The following TULP4 variants were observed in gnomAD, a reference collection of about 807,000 sequenced individuals.
TULP4 encodes the protein TUB like protein 4.
TULP4 carries 16 observed loss-of-function variants against 129.0 expected under a neutral mutation model. The observed-to-expected ratio is 0.12, with a 90% CI of 0.08 to 0.19. TULP4 has a LOEUF of 0.19. Ranked by LOEUF, TULP4 falls within the 10% of genes least tolerant of loss-of-function variation. TULP4 has a pLI of 1.00. For missense variants in TULP4, 1,842 were observed against 2,059.1 expected, an observed-to-expected ratio of 0.89 and a Z score of 2.04; for synonymous variants, 998 against 854.0, an observed-to-expected ratio of 1.17 and a Z score of -2.94.
intron 1 of TULP4, among the ~76,000 whole-genome samples, chr6:158,316,413 T>G (rs192602181): frequency 1.3e-5 from 2 of 152,350 alleles, no homozygotes; most frequent in East Asian, 3.9e-4. Context: ...AAGAGTATTT[T>G]GAGATTCATT....
At chr6:158,442,041 C>T (rs567873898) in intron 3 of TULP4, among the ~76,000 whole-genome samples, 1 of 152,252 alleles carries the variant, frequency 6.6e-6, no homozygotes, top group African/African-American at 2.4e-5. Context: ...CTGCCTATGC[C>T]TCCCTCCTCC....
chr6:158,351,799 G>T (rs1256006609), intron 1 of TULP4, among the ~76,000 whole-genome samples: 1 of 125,878 alleles, frequency 7.9e-6, no homozygotes, highest in Non-Finnish European at 1.6e-5. Flanking sequence ...GCTCACTGCA[G>T]CCTCCACCAC....
chr6:158,302,181 A>G (rs1779143903), intron 1 of TULP4, among the ~76,000 whole-genome samples: 2 of 152,226 alleles, frequency 1.3e-5, no homozygotes, highest in African/African-American at 4.8e-5. Flanking sequence ...CACCTGTCCA[A>G]CATAAAGCTG....
At chr6:158,307,727 C>T (rs62437361), upstream of TULP4, among the ~76,000 whole-genome samples, 26,314 of 152,096 alleles carry the variant, frequency 0.17, 2,712 homozygotes, top group Middle Eastern at 0.24. Context: ...TGGTGACCCC[C>T]GCCTTGGCCT....
At chr6:158,433,578 G>T (rs2115071459) in intron 3 of TULP4, among the ~76,000 whole-genome samples, 1 of 152,314 alleles carries the variant, frequency 6.6e-6, no homozygotes, top group South Asian at 2.1e-4. Flanking sequence ...AGGCGTGGTG[G>T]CACGTGCCTG....
chr6:158,397,605 T>C (rs981128407), intron 1 of TULP4, among the ~76,000 whole-genome samples: 29 of 152,304 alleles, frequency 1.9e-4, no homozygotes, highest in African/African-American at 7.0e-4. Flanking sequence ...TTGTTTTTGA[T>C]GTGTGGCCCA....
intron 2 of TULP4, among the ~76,000 whole-genome samples, chr6:158,418,877 A>G (rs549868978): frequency 3.9e-5 from 6 of 152,206 alleles, no homozygotes; most frequent in African/African-American, 1.4e-4. Context: ...TTTACTGGCT[A>G]TGTGTTTTGG....
chr6:158,481,407 T>C (rs769504467), intron 8 of TULP4, 118 bp downstream of exon 8: 2 of 892,680 alleles, frequency 2.2e-6, no homozygotes, highest in South Asian at 1.4e-5. Context: ...TGGGGGCTAG[T>C]GTGGAACATC....
intron 1 of TULP4, among the ~76,000 whole-genome samples, chr6:158,368,173 G>C (rs2114865362): frequency 6.6e-6 from 1 of 151,518 alleles, no homozygotes; most frequent in Non-Finnish European, 1.5e-5. Flanking sequence ...CTCTTGATTG[G>C]TTTGTCTGTA....
intron 1 of TULP4, among the ~76,000 whole-genome samples, chr6:158,292,588 G>A (rs539847974): frequency 1.4e-4 from 22 of 152,174 alleles, no homozygotes; most frequent in South Asian, 2.1e-4. Context: ...TCCTGAGAAC[G>A]TCTTTTCATG....
chr6:158,261,443 T>C (rs1778350530), intron 1 of TULP4, among the ~76,000 whole-genome samples: 1 of 152,144 alleles, frequency 6.6e-6, no homozygotes, highest in African/African-American at 2.4e-5. Flanking sequence ...AGCTTAAGAC[T>C]GTAGGATATT....
chr6:158,314,698 G>A (rs1779448525), intron 1 of TULP4, among the ~76,000 whole-genome samples: 3 of 152,232 alleles, frequency 2.0e-5, no homozygotes, highest in African/African-American at 7.2e-5. Context: ...AAGTGGTGCT[G>A]CCTTTACCTT....
intron 1 of TULP4, among the ~76,000 whole-genome samples, chr6:158,253,700 T>G (rs1778188435): frequency 6.6e-6 from 1 of 152,142 alleles, no homozygotes; most frequent in Admixed American, 6.5e-5. Flanking sequence ...TTCTTAACAT[T>G]TTCTGACCTA....
chr6:158,242,447 A>C (rs1474612850), intron 1 of TULP4: 3 of 1,022,118 alleles, frequency 2.9e-6, no homozygotes, highest in Non-Finnish European at 3.1e-6. Context: ...CTAAGCATTC[A>C]TCATAGTGTT....
chr6:158,425,411 G>T (rs1386149378), intron 2 of TULP4, among the ~76,000 whole-genome samples: 1 of 150,814 alleles, frequency 6.6e-6, no homozygotes, highest in Non-Finnish European at 1.5e-5. Context: ...TACTCGGGAG[G>T]CTGCAGCCGG....
rs71030149 is a variant in TULP4, at chr6:158,236,795, CTTT to C, written n.68+4526_68+4528del. Among the ~76,000 whole-genome samples the C allele has an allele frequency of 3.2e-3, 205 of 63,192 alleles. 3 individuals carry two copies. The highest frequency in any genetic ancestry group is 5.3e-3 in the African/African-American group (73 of 13,894). The allele number at this position is 63,192 out of a possible 152,430, so 41.5% of individuals were successfully genotyped here. A position where few individuals can be genotyped will look rare whatever the true frequency, so the allele number is the denominator to read the frequency against. Reference sequence around the variant, plus strand: ...AGATGGGTAAATGCCCAATTCTTTTCTTTTTTTTTTTTTTTTTTTTTTTTTTTT... The same window carrying C: ...AGATGGGTAAATGCCCAATTCTTTTCTTTTTTTTTTTTTTTTTTTTTTTTT... On this transcript the variant is annotated intron_variant and non_coding_transcript_variant, in intron 1 of 1. Transcript: ENST00000620026.
intron 1 of TULP4, among the ~76,000 whole-genome samples, chr6:158,251,545 A>G (rs982386750): frequency 6.6e-6 from 1 of 152,252 alleles, no homozygotes; most frequent in Admixed American, 6.5e-5. Flanking sequence ...AAAAACACAC[A>G]GAAACAACAA....
chr6:158,477,471 T>G (rs1779849262), intron 6 of TULP4, among the ~76,000 whole-genome samples: 1 of 152,164 alleles, frequency 6.6e-6, no homozygotes, highest in Non-Finnish European at 1.5e-5. Flanking sequence ...AACAAATACT[T>G]TTCAAAAGAA....
upstream of TULP4, chr6:158,312,158 A>C (rs1486955547): frequency 5.0e-6 from 2 of 398,402 alleles, no homozygotes; most frequent in Non-Finnish European, 8.8e-6. Context: ...GTCTATGTGC[A>C]TTTAAAACCT....
Sources: allele counts gnomAD v4.1 joint callset (sites outside exome capture counted in the v4.1 genomes callset), GRCh38; gene constraint gnomAD v4.1.1; transcripts MANE v1.5; gene names NCBI Gene and HGNC (gene_info 2026-07-23, HGNC 2026-07-21).